PTPRD: variants seen among roughly 807,000 people sequenced by gnomAD.
PTPRD encodes receptor-type tyrosine-protein phosphatase delta.
A neutral mutation model predicts 214.5 loss-of-function variants in PTPRD; 34 were observed. That is an observed-to-expected ratio of 0.16 (90% CI 0.12 to 0.21). PTPRD has a LOEUF of 0.21. Ranked by LOEUF, PTPRD falls within the 10% of genes least tolerant of loss-of-function variation. PTPRD has a pLI of 1.00. For missense variants in PTPRD, 2,545 were observed against 2,398.7 expected (o/e 1.06, Z -1.27); for synonymous variants, 1,128 against 845.7 (o/e 1.33, Z -5.79).
At chr9:8,526,435 A>G (rs1317396275) in intron 17 of PTPRD, among the ~76,000 whole-genome samples, 192 bp downstream of exon 17, 1 of 152,062 alleles carries the variant, frequency 6.6e-6, no homozygotes, top group African/African-American at 2.4e-5. Context: ...TGAACAAAAC[A>G]AAGAGAGAAA....
intron 3 of PTPRD, among the ~76,000 whole-genome samples, chr9:10,277,433 G>C (rs898219799): frequency 6.6e-6 from 1 of 152,166 alleles, no homozygotes; most frequent in African/African-American, 2.4e-5. Context: ...GGCACCACTA[G>C]TTTAGTTGTG....
At chr9:10,097,210 T>A (rs2098499448) in intron 3 of PTPRD, among the ~76,000 whole-genome samples, 1 of 147,230 alleles carries the variant, frequency 6.8e-6, no homozygotes, top group Non-Finnish European at 1.5e-5. Context: ...AGGATTGACT[T>A]GGTAATGCGG....
At chr9:9,495,840 T>C (rs1031510069) in intron 8 of PTPRD, among the ~76,000 whole-genome samples, 1 of 152,194 alleles carries the variant, frequency 6.6e-6, no homozygotes. Context: ...CCCCACGTGA[T>C]GAGGCAATGG....
intron 3 of PTPRD, among the ~76,000 whole-genome samples, chr9:10,199,622 T>A (rs1382087864): frequency 6.6e-6 from 1 of 152,056 alleles, no homozygotes; most frequent in Non-Finnish European, 1.5e-5. Flanking sequence ...TATTATATTA[T>A]TCTCATTTCT....
intron 3 of PTPRD, among the ~76,000 whole-genome samples, chr9:10,263,490 T>C (rs1028039889): frequency 2.0e-5 from 3 of 152,124 alleles, no homozygotes; most frequent in Non-Finnish European, 4.4e-5. Context: ...TGTTGGGAAC[T>C]GGAGTAAAGG....
intron 7 of PTPRD, among the ~76,000 whole-genome samples, chr9:9,628,451 C>A (rs777486385): frequency 2.6e-4 from 39 of 152,126 alleles, no homozygotes; most frequent in Non-Finnish European, 5.3e-4. Flanking sequence ...CTGATGATTT[C>A]TCAATTGCTA....
At chr9:10,467,331 T>A (rs141943681) in intron 2 of PTPRD, among the ~76,000 whole-genome samples, 1 of 152,236 alleles carries the variant, frequency 6.6e-6, no homozygotes, top group African/African-American at 2.4e-5. Flanking sequence ...AATATCTGCA[T>A]AATTCCTGGA....
At chr9:9,250,555 A>G (rs758360658) in intron 9 of PTPRD, among the ~76,000 whole-genome samples, 1 of 152,208 alleles carries the variant, frequency 6.6e-6, no homozygotes, top group Non-Finnish European at 1.5e-5. Context: ...GTCTCTTCAA[A>G]CAGCAGGTAA....
chr9:9,973,591 G>T (rs1027270116), intron 4 of PTPRD, among the ~76,000 whole-genome samples: 1 of 151,904 alleles, frequency 6.6e-6, no homozygotes, highest in East Asian at 1.9e-4. Flanking sequence ...AACTTTCTTC[G>T]CTAGGAAAGG....
intron 2 of PTPRD, among the ~76,000 whole-genome samples, chr9:10,396,220 T>C (rs561465269): frequency 6.6e-6 from 1 of 152,054 alleles, no homozygotes; most frequent in Non-Finnish European, 1.5e-5. Flanking sequence ...TGTGATATAA[T>C]AAGGAAATTA....
chr9:9,275,211 A>G (rs1195487729), intron 9 of PTPRD, among the ~76,000 whole-genome samples: 5 of 91,590 alleles, frequency 5.5e-5, no homozygotes, highest in South Asian at 2.7e-4. Flanking sequence ...ATATATATAT[A>G]TATATAACCA....
chr9:9,341,015 C>A (rs2046580896), intron 9 of PTPRD, among the ~76,000 whole-genome samples: 1 of 151,872 alleles, frequency 6.6e-6, no homozygotes, highest in South Asian at 2.1e-4. Context: ...CAAAAGCTTT[C>A]CTTATAAAAG....
chr9:8,853,821 T>G (rs372941080), intron 11 of PTPRD, among the ~76,000 whole-genome samples: 39 of 152,174 alleles, frequency 2.6e-4, no homozygotes, highest in African/African-American at 9.4e-4. Flanking sequence ...AGCTGCCTCT[T>G]TGCCATCACA....
At chr9:9,737,712 T>C (rs889292586) in intron 6 of PTPRD, among the ~76,000 whole-genome samples, 6 of 152,244 alleles carry the variant, frequency 3.9e-5, no homozygotes, top group African/African-American at 1.4e-4. Context: ...ATCGAATGGA[T>C]ATACCACATA....
intron 33 of PTPRD, among the ~76,000 whole-genome samples, chr9:8,454,224 C>CAAACA (rs1173015448): frequency 5.3e-5 from 8 of 152,096 alleles, no homozygotes; most frequent in South Asian, 2.1e-4. Context: ...TTGGTAAAAA[C>CAAACA]AAACAAAACA....
intron 10 of PTPRD, among the ~76,000 whole-genome samples, chr9:9,081,947 T>C (rs561738307): frequency 2.0e-5 from 3 of 151,818 alleles, no homozygotes; most frequent in African/African-American, 7.2e-5. Context: ...CATAACAAGT[T>C]CTGCAACTGA....
At chr9:8,756,900 G>T (rs1344286296) in intron 11 of PTPRD, among the ~76,000 whole-genome samples, 1 of 152,118 alleles carries the variant, frequency 6.6e-6, no homozygotes, top group Admixed American at 6.5e-5. Flanking sequence ...CAGCACCTTG[G>T]GAGGCCGAGG....
intron 12 of PTPRD, among the ~76,000 whole-genome samples, chr9:8,684,157 C>G (rs893810760): frequency 6.6e-6 from 1 of 152,146 alleles, no homozygotes; most frequent in African/African-American, 2.4e-5. Context: ...TAACAGATGT[C>G]TTTTTATAAG....
chr9:8,321,167 T>C (rs898215551), intron 44 of PTPRD, among the ~76,000 whole-genome samples: 2 of 152,032 alleles, frequency 1.3e-5, no homozygotes, highest in Non-Finnish European at 2.9e-5. Context: ...CCTTTTAACC[T>C]TGAAAGTCTC....
Sources: allele counts gnomAD v4.1 joint callset (sites outside exome capture counted in the v4.1 genomes callset), GRCh38; gene constraint gnomAD v4.1.1; transcripts MANE v1.5; gene names NCBI Gene and HGNC (gene_info 2026-07-23, HGNC 2026-07-21).